The following SORCS2 variants were observed in gnomAD, a reference collection of about 807,000 sequenced individuals.
SORCS2 encodes sortilin related VPS10 domain containing receptor 2.
A neutral mutation model predicts 141.6 loss-of-function variants in SORCS2; 100 were observed. The observed-to-expected ratio is 0.71, with a 90% confidence interval of 0.60 to 0.83. The LOEUF is 0.83. Ranked by LOEUF, SORCS2 falls within the 40% of genes least tolerant of loss-of-function variation. The pLI, the probability that SORCS2 is intolerant of heterozygous loss-of-function variation, is 0.00. For missense variants in SORCS2, 1,646 were observed against 1,560.2 expected (o/e 1.05, Z -0.93); for synonymous variants, 789 against 676.9 (o/e 1.17, Z -2.57).
intron 1 of SORCS2, among the ~76,000 whole-genome samples, chr4:7,375,856 A>G (rs1450391061): frequency 6.6e-6 from 1 of 152,102 alleles, no homozygotes; most frequent in Admixed American, 6.5e-5. Flanking sequence ...CCTGTGTCTC[A>G]TTCAAGTCAC....
rs775112202 is a variant in SORCS2 at position 7,193,045 on chromosome 4, G to T, written c.399G>T (p.Ser133=). 8 of 1,531,546 alleles carry T rather than the reference G, an allele frequency of 5.2e-6. No homozygotes were observed. The South Asian group carries it at 9.6e-5, about 18-fold the overall frequency. 94.9% of individuals were successfully genotyped at this position (1,531,546 alleles called of 1,614,324 possible). A position where few individuals can be genotyped will look rare whatever the true frequency, so the allele number is the denominator to read the frequency against. ...LAGVASRAQV[S]LISTSFVLKG... is the part of the protein sequence containing the mutation. ...GAGTGGCTTCGCGGGCGCAGGTCTC[G>T]CTCATCAGCACGTCGTTCGTGCTCA... Residue 133 remains serine (S), a synonymous_variant, in exon 1 of 27, where the codon TCG becomes TCT. Transcript: ENST00000507866. This position sits in a 1 kb window ranked among gnomAD's most constrained non-coding sequence, Gnocchi z 4.8.
intron 2 of SORCS2, among the ~76,000 whole-genome samples, chr4:7,398,114 C>T (rs746567879): frequency 3.3e-5 from 5 of 152,044 alleles, no homozygotes; most frequent in South Asian, 4.1e-4. Context: ...TGCACTTATA[C>T]GACGGAGTTG....
Position 7,448,187 on chromosome 4 carries a change from C to T in SORCS2, c.548+51832C>T, listed in dbSNP as rs149541553. On this transcript the variant is annotated intron_variant, in intron 2 of 26. Transcript: ENST00000507866. ...CGTGCCCCCCACTGTCCTGCTGCTC[C>T]GGGCCCTGTGGCGTGCAAGCAAGCA... Among the ~76,000 whole-genome samples the T allele has an allele frequency of 4.1e-4, 63 of 152,282 alleles. 1 individual carries two copies. The highest frequency in any genetic ancestry group is 2.6e-3 in the Admixed American group (40 of 15,306).
chr4:7,483,759 C>T (rs1379295314), intron 2 of SORCS2, among the ~76,000 whole-genome samples: 1 of 151,638 alleles, frequency 6.6e-6, no homozygotes, highest in Non-Finnish European at 1.5e-5. Context: ...GGGTGGGGGG[C>T]CAGGGGAGGG....
At chr4:7,360,538 G>A (rs934421806) in intron 1 of SORCS2, among the ~76,000 whole-genome samples, 8 of 134,998 alleles carry the variant, frequency 5.9e-5, no homozygotes, top group Non-Finnish European at 9.1e-5. Flanking sequence ...ATCCTGCACT[G>A]TGCTGCTTCC....
At chr4:7,452,154 T>C (rs1352111530) in intron 2 of SORCS2, among the ~76,000 whole-genome samples, 5 of 151,926 alleles carry the variant, frequency 3.3e-5, no homozygotes, top group Non-Finnish European at 5.9e-5. Flanking sequence ...TCTTTTTTTT[T>C]TTTTGAGATG....
intron 3 of SORCS2, among the ~76,000 whole-genome samples, chr4:7,537,101 G>C (rs1712195340): frequency 6.6e-6 from 1 of 152,226 alleles, no homozygotes; most frequent in African/African-American, 2.4e-5. Flanking sequence ...CGCAAGCACA[G>C]CCCGGCCCGC....
intron 5 of SORCS2, among the ~76,000 whole-genome samples, chr4:7,660,571 G>T (rs928693449): frequency 6.6e-6 from 1 of 152,226 alleles, no homozygotes; most frequent in African/African-American, 2.4e-5. Flanking sequence ...GGCCTTGGTT[G>T]TGAGCAGGGC....
intron 1 of SORCS2, among the ~76,000 whole-genome samples, chr4:7,306,617 G>C (rs750231489): frequency 6.6e-6 from 1 of 152,204 alleles, no homozygotes; most frequent in African/African-American, 2.4e-5. Flanking sequence ...CGTGGGGCTA[G>C]GCATGCCTGG....
At chr4:7,325,773 C>A (rs1167805358) in intron 1 of SORCS2, among the ~76,000 whole-genome samples, 1 of 152,208 alleles carries the variant, frequency 6.6e-6, no homozygotes, top group Non-Finnish European at 1.5e-5. Context: ...TTCCCTCCCC[C>A]CACGCCCACC....
chr4:7,349,404 G>A (rs981111050), intron 1 of SORCS2, among the ~76,000 whole-genome samples: 1 of 152,176 alleles, frequency 6.6e-6, no homozygotes, highest in African/African-American at 2.4e-5. Context: ...CGTGCCGCTG[G>A]AGCACAGGGC....
intron 4 of SORCS2, among the ~76,000 whole-genome samples, chr4:7,649,147 C>G (rs904073122): frequency 6.6e-6 from 1 of 152,154 alleles, no homozygotes. Flanking sequence ...AAAGGCCTGA[C>G]CCGGGGGAGA....
intron 3 of SORCS2, among the ~76,000 whole-genome samples, chr4:7,550,707 A>G (rs1459586090): frequency 6.6e-6 from 1 of 151,974 alleles, no homozygotes; most frequent in African/African-American, 2.4e-5. Flanking sequence ...AACTTGATGG[A>G]CTCTTCCAAC....
At chr4:7,506,457 T>C (rs1014864707) in intron 2 of SORCS2, among the ~76,000 whole-genome samples, 4 of 152,172 alleles carry the variant, frequency 2.6e-5, no homozygotes, top group African/African-American at 9.7e-5. Context: ...TGCTTGTCTG[T>C]CCATCCATTC....
intron 2 of SORCS2, among the ~76,000 whole-genome samples, chr4:7,511,781 T>TGCTGCCC (rs1394448391): frequency 6.6e-6 from 1 of 152,174 alleles, no homozygotes; most frequent in Non-Finnish European, 1.5e-5. Flanking sequence ...GTCAGCTGTC[T>TGCTGCCC]GCTGCCCACC....
chr4:7,369,274 G>A (rs549709794), intron 1 of SORCS2, among the ~76,000 whole-genome samples: 44 of 152,318 alleles, frequency 2.9e-4, no homozygotes, highest in African/African-American at 1.0e-3. Context: ...TCACACTGCT[G>A]CACTCCAGCC....
At chr4:7,678,159 G>A (rs942500361) in intron 9 of SORCS2, among the ~76,000 whole-genome samples, 1 of 152,246 alleles carries the variant, frequency 6.6e-6, no homozygotes, top group East Asian at 1.9e-4. Context: ...CTGGGGCCTG[G>A]AGACACAGCA....
chr4:7,630,742 G>T (rs1005288483), intron 3 of SORCS2, among the ~76,000 whole-genome samples: 1 of 152,196 alleles, frequency 6.6e-6, no homozygotes, highest in African/African-American at 2.4e-5. Context: ...TCAGATCCGG[G>T]GGTGGAGGCT....
At chr4:7,612,425 T>TG (rs1280643234) in intron 3 of SORCS2, among the ~76,000 whole-genome samples, 1 of 152,090 alleles carries the variant, frequency 6.6e-6, no homozygotes, top group Non-Finnish European at 1.5e-5. Flanking sequence ...CTGGCCACGA[T>TG]GGGGGTCGGG....
Sources: allele counts gnomAD v4.1 joint callset (sites outside exome capture counted in the v4.1 genomes callset), GRCh38; gene constraint gnomAD v4.1.1; non-coding constraint Gnocchi (gnomAD v3.1); transcripts MANE v1.5; gene names NCBI Gene and HGNC (gene_info 2026-07-23, HGNC 2026-07-21).